DLG1: variants seen among roughly 807,000 people sequenced by gnomAD.
DLG1 encodes the protein disks large homolog 1.
In DLG1, 42 loss-of-function variants were observed where a neutral mutation model predicts 123.4. The ratio of observed to expected loss-of-function variants is 0.34; its 90% CI spans 0.27 to 0.44. DLG1 has a LOEUF of 0.44. DLG1 is among the 20% of genes least tolerant of loss of function. DLG1 has a pLI of 1.00. For synonymous variants in DLG1, 317 were observed against 356.2 expected (o/e 0.89, Z 1.24); for missense variants, 942 against 1,082.6 (o/e 0.87, Z 1.82).
chr3:197,113,089 G>A (rs1286619312), intron 13 of DLG1, among the ~76,000 whole-genome samples: 1 of 152,016 alleles, frequency 6.6e-6, no homozygotes, highest in Non-Finnish European at 1.5e-5. Flanking sequence ...ACTGGTTTAG[G>A]TTTATAATTT....
chr3:197,088,400 C>T lies in DLG1; in HGVS notation c.1661+2512G>A, dbSNP rs1247625961. Among the ~76,000 whole-genome samples, 6 of 152,254 alleles carry T rather than the reference C, an allele frequency of 3.9e-5. No homozygotes were observed. The East Asian group carries it at 1.2e-3, about 29-fold the overall frequency. On this transcript the variant is annotated intron_variant, in intron 15 of 24. Transcript: ENST00000667157. ...CTGCAAAATAAAACAGGGTATCATT[C>T]CCTCCCCCACATTCCAAATTCTCTA... is the stretch of plus-strand genomic sequence containing the variant.
intron 4 of DLG1, among the ~76,000 whole-genome samples, chr3:197,195,086 T>C (rs1327914674): frequency 6.6e-6 from 1 of 151,776 alleles, no homozygotes. Flanking sequence ...AATCTATTTC[T>C]AAAAAATTAC....
At chr3:197,247,651 T>G (rs1447054450) in intron 4 of DLG1, among the ~76,000 whole-genome samples, 6 of 152,218 alleles carry the variant, frequency 3.9e-5, no homozygotes, top group Admixed American at 6.5e-5. Flanking sequence ...TTGGTCCAAA[T>G]GAAACAACAA....
At chr3:197,193,092 T>A (rs1720537466) in intron 5 of DLG1, among the ~76,000 whole-genome samples, 1 of 152,084 alleles carries the variant, frequency 6.6e-6, no homozygotes, top group African/African-American at 2.4e-5. Context: ...CAAAGAGAAT[T>A]ACAAAATCCA....
At chr3:197,089,953 A>G (rs909301313) in intron 15 of DLG1, among the ~76,000 whole-genome samples, 1 of 152,202 alleles carries the variant, frequency 6.6e-6, no homozygotes, top group African/African-American at 2.4e-5. Flanking sequence ...AGAAAGTGAG[A>G]AAGGTTTGCT....
At chr3:197,170,922 T>A (rs1803870863) in intron 5 of DLG1, among the ~76,000 whole-genome samples, 1 of 152,208 alleles carries the variant, frequency 6.6e-6, no homozygotes, top group Non-Finnish European at 1.5e-5. Context: ...CACACTTCCA[T>A]ATTTTTAGAG....
At position 197,121,252 on chromosome 3, in the gene DLG1, C is replaced by T. The variant is rs147975366; in HGVS notation, c.1166-1722G>A. ...ATTAATGTTCCTATGAAAGAAATGA[C>T]GGCCTCAAAGAAGGATCAGATAAAA... On this transcript the variant is annotated intron_variant, in intron 11 of 24. Transcript: ENST00000667157. Among the ~76,000 whole-genome samples the T allele has an allele frequency of 2.1e-3, 319 of 152,138 alleles. 3 individuals carry two copies. Among genetic ancestry groups the T allele is most frequent in the African/African-American group, 7.4e-3 (307 of 41,530 alleles).
chr3:197,124,200 C>G (rs1777839349), intron 11 of DLG1, among the ~76,000 whole-genome samples: 1 of 152,226 alleles, frequency 6.6e-6, no homozygotes, highest in Admixed American at 6.5e-5. Flanking sequence ...CACTCCACTG[C>G]AGCCTGAGCA....
chr3:197,130,761 G>C (rs1782071538), intron 10 of DLG1, 90 bp from the exon 11 acceptor site: 3 of 1,107,346 alleles, frequency 2.7e-6, no homozygotes, highest in Non-Finnish European at 3.8e-6. Flanking sequence ...GAAAATAAGA[G>C]AGTGGTTTAA....
intron 5 of DLG1, chr3:197,184,006 G>GT: frequency 1.5e-6 from 2 of 1,371,744 alleles, no homozygotes; most frequent in South Asian, 1.8e-5. Context: ...CTCTGTACCT[G>GT]TTAGCTGTAT....
At chr3:197,075,966 G>T in intron 18 of DLG1, 1 of 1,029,440 alleles carries the variant, frequency 9.7e-7, no homozygotes. Flanking sequence ...GTAAGAGACA[G>T]TTCCAAGACC....
intron 12 of DLG1, among the ~76,000 whole-genome samples, chr3:197,116,285 C>T (rs928533081): frequency 6.6e-6 from 1 of 150,790 alleles, no homozygotes; most frequent in Non-Finnish European, 1.5e-5. Flanking sequence ...TATATAAAAG[C>T]AAAAAACCTG....
chr3:197,153,480 G>A (rs934904421), intron 5 of DLG1, among the ~76,000 whole-genome samples: 2 of 152,208 alleles, frequency 1.3e-5, no homozygotes, highest in African/African-American at 4.8e-5. Context: ...ACGGTGGGCA[G>A]AGAAAATTAC....
At chr3:197,161,220 T>A (rs1335294745) in intron 5 of DLG1, among the ~76,000 whole-genome samples, 2 of 152,084 alleles carry the variant, frequency 1.3e-5, no homozygotes, top group African/African-American at 4.8e-5. Context: ...AACATAAGAA[T>A]GAATATTTCC....
Position 197,052,962 on chromosome 3 carries a change from A to G in DLG1, c.2484-1294T>C, listed in dbSNP as rs544156786. On this transcript the variant is annotated intron_variant, in intron 23 of 24. Transcript: ENST00000667157. ...AACATTTGAACTTTATCAAATAATT[A>G]TTATTTTAAGTATGATAATCAGTGA... Among the ~76,000 whole-genome samples, 3 of 152,306 alleles carry G rather than the reference A, an allele frequency of 2.0e-5. No individual in the cohort carries two copies. The East Asian group carries it at 5.8e-4, about 29-fold the overall frequency.
At chr3:197,141,904 G>A (rs1315405806) in intron 7 of DLG1, among the ~76,000 whole-genome samples, 2 of 152,038 alleles carry the variant, frequency 1.3e-5, no homozygotes, top group African/African-American at 2.4e-5. Context: ...ACGGAGTTTT[G>A]CCATGTTGGC....
intron 4 of DLG1, among the ~76,000 whole-genome samples, chr3:197,216,528 C>T (rs1734204078): frequency 6.6e-6 from 1 of 152,116 alleles, no homozygotes; most frequent in South Asian, 2.1e-4. Context: ...CTGAATTCAC[C>T]CACCAACAAG....
At chr3:197,196,405 C>T (rs1299246362) in intron 4 of DLG1, among the ~76,000 whole-genome samples, 3 of 152,132 alleles carry the variant, frequency 2.0e-5, no homozygotes, top group African/African-American at 4.8e-5. Flanking sequence ...GGTTCTCTAA[C>T]TTTATCCTGT....
At chr3:197,097,201 T>C (rs1372259068) in intron 14 of DLG1, among the ~76,000 whole-genome samples, 2 of 152,220 alleles carry the variant, frequency 1.3e-5, no homozygotes, top group African/African-American at 4.8e-5. Flanking sequence ...GTTAACTGTG[T>C]CATAGGGCCC....
Sources: allele counts gnomAD v4.1 joint callset (sites outside exome capture counted in the v4.1 genomes callset), GRCh38; gene constraint gnomAD v4.1.1; transcripts MANE v1.5; gene names NCBI Gene and HGNC (gene_info 2026-07-23, HGNC 2026-07-21).